BDP1: variants seen among roughly 807,000 people sequenced by gnomAD.
BDP1 encodes the protein transcription factor TFIIIB component B'' homolog.
A neutral mutation model predicts 266.6 loss-of-function variants in BDP1; 169 were observed. That is an observed-to-expected ratio of 0.63 (90% CI 0.56 to 0.72). BDP1 has a LOEUF of 0.72. BDP1 is among the 30% of genes least tolerant of loss of function. The probability of loss-of-function intolerance (pLI) is 0.00; values close to 1 mark genes in which losing one functional copy is unlikely to be tolerated. For synonymous variants in BDP1, 1,090 were observed against 1,022.4 expected, an observed-to-expected ratio of 1.07 and a Z score of -1.26; for missense variants, 3,015 against 3,053.8, an observed-to-expected ratio of 0.99 and a Z score of 0.30.
chr5:71,536,668 T>C (rs1766617646), intron 26 of BDP1, among the ~76,000 whole-genome samples: 3 of 151,904 alleles, frequency 2.0e-5, no homozygotes, highest in East Asian at 1.9e-4. Flanking sequence ...TCTACAAATA[T>C]GTTTTTTAAA....
In BDP1 at chr5:71,467,398, A is replaced by G. The variant is rs1761968662; in HGVS notation, c.830A>G (p.Glu277Gly). The change falls in exon 6 of 39, where the codon GAA (glutamate) becomes GGA (glycine). Residue 277 changes from glutamate (E) to glycine (G), a missense_variant. This residue lies in a region of BDP1 where 2,383 missense variants were observed against 2,404.9 expected (regional missense o/e 0.99). Transcript: ENST00000358731. ...AGAACAAAAGGCCCTTGTGTTGTTG[A>G]AGAAAATGACCCCATATTTGAGCGC... is the stretch of plus-strand genomic sequence containing the variant. ...VLRTKGPCVVEENDPIFERGS... is the reference protein window; with the variant it reads ...VLRTKGPCVVGENDPIFERGS... 1 of 1,611,072 alleles carries G rather than the reference A, an allele frequency of 6.2e-7. No homozygotes were observed.
chr5:71,539,283 C>T (rs1766815283), intron 27 of BDP1, among the ~76,000 whole-genome samples: 1 of 152,132 alleles, frequency 6.6e-6, no homozygotes, highest in South Asian at 2.1e-4. Context: ...AGTATTTGAG[C>T]ATTTCCTCTG....
intron 18 of BDP1, among the ~76,000 whole-genome samples, 176 bp downstream of exon 18, chr5:71,512,604 A>G (rs73776551): frequency 4.1e-4 from 62 of 152,314 alleles, no homozygotes; most frequent in African/African-American, 1.4e-3. Context: ...AAAGTTACTG[A>G]CATACAAAAT....
At chr5:71,533,692 GTCC>G (rs926069887) in intron 26 of BDP1, among the ~76,000 whole-genome samples, 1 of 151,340 alleles carries the variant, frequency 6.6e-6, no homozygotes, top group African/African-American at 2.4e-5. Flanking sequence ...TCGTACTCCT[GTCC>G]TCAAGTGATA....
chr5:71,488,325 A>G (rs896935719), intron 9 of BDP1, among the ~76,000 whole-genome samples: 3 of 151,734 alleles, frequency 2.0e-5, no homozygotes, highest in African/African-American at 7.3e-5. Flanking sequence ...ATGGGATTTT[A>G]TCATATTGGC....
At position 71,475,034 on chromosome 5, in the gene BDP1, C is replaced by T. The variant is rs59539450; in HGVS notation, c.1014+4545C>T. Among the ~76,000 whole-genome samples, 6 of 152,236 alleles carry T rather than the reference C, an allele frequency of 3.9e-5. No homozygotes were observed. The East Asian group carries it at 1.2e-3, about 29-fold the overall frequency. ...GTAGTCTTTTTCTTCTCTAGTTCAT[C>T]CAGGGAACTCTTAAATTACATCTTC... On this transcript the variant is annotated intron_variant, in intron 7 of 38. Transcript: ENST00000358731.
chr5:71,519,598 A>T (rs1174102858), intron 22 of BDP1, among the ~76,000 whole-genome samples: 1 of 152,212 alleles, frequency 6.6e-6, no homozygotes, highest in East Asian at 1.9e-4. Flanking sequence ...ACCTAACATA[A>T]TGACCTCTAG....
intron 23 of BDP1, 71 bp from the exon 24 acceptor site, chr5:71,522,685 A>G: frequency 1.4e-6 from 2 of 1,453,910 alleles, no homozygotes; most frequent in Non-Finnish European, 1.9e-6. Context: ...GGTTTAGGCC[A>G]AACTACCAAA....
Position 71,489,599 on chromosome 5 carries a change from A to G in BDP1, c.1409A>G (p.Asp470Gly), listed in dbSNP as rs1167351859. The G allele has an allele frequency of 6.2e-7, 1 of 1,614,158 alleles. No individual in the cohort carries two copies. The highest frequency in any genetic ancestry group is 1.1e-5 in the South Asian group (1 of 91,080). Reference protein sequence around the residue: ...NQKKRRRKKQDGANELGVNNL... With the variant: ...NQKKRRRKKQGGANELGVNNL... ...AAGAAAAGAAGGAGGAAGAAGCAAG[A>G]TGGAGCTAATGAACTGGGAGTAAAC... is the stretch of plus-strand genomic sequence containing the variant. The change falls in exon 10 of 39, where the codon GAT becomes GGT. Residue 470 changes from aspartate (D) to glycine (G), a missense_variant. Transcript: ENST00000358731.
intron 36 of BDP1, among the ~76,000 whole-genome samples, chr5:71,557,545 C>G (rs535465356): frequency 6.6e-6 from 1 of 151,938 alleles, no homozygotes; most frequent in Admixed American, 6.6e-5. Flanking sequence ...CCACCACGCC[C>G]AGCTAATTTT....
the BDP1 span, among the ~76,000 whole-genome samples, chr5:71,575,559 C>A: frequency 9.9e-3 from 1,502 of 152,312 alleles, 26 homozygotes; most frequent in African/African-American, 0.034. Context: ...AAAAATTCAA[C>A]TGATGGGCAC....
intron 7 of BDP1, 130 bp downstream of exon 7, chr5:71,470,619 C>G (rs1762181766): frequency 1.6e-6 from 1 of 641,924 alleles, no homozygotes; most frequent in East Asian, 3.0e-5. Context: ...GACAGAGTTT[C>G]ACTTTGTTGC....
At chr5:71,468,021 A>C (rs934623467) in intron 6 of BDP1, among the ~76,000 whole-genome samples, 1 of 151,798 alleles carries the variant, frequency 6.6e-6, no homozygotes, top group Admixed American at 6.6e-5. Flanking sequence ...TTTGAAAAAA[A>C]TTTTTTTATT....
chr5:71,564,793 A>G lies in BDP1; in HGVS notation c.7783A>G (p.Ser2595Gly), dbSNP rs1411684644. The G allele has an allele frequency of 6.2e-7, 1 of 1,611,232 alleles. No homozygotes were observed. Among genetic ancestry groups the G allele is most frequent in the Non-Finnish European group, 8.5e-7 (1 of 1,179,564 alleles). Residue 2595 changes from serine to glycine, a missense_variant, in exon 39 of 39, where the codon AGT becomes GGT. Transcript: ENST00000358731. ...DQPLLKEGYK[S>G]AQKRAPQGEA... is the part of the protein sequence containing the mutation. ...GCCCTTACTGAAAGAAGGATATAAA[A>G]GTGCCCAAAAGCGGGCCCCTCAAGG...
chr5:71,523,800 G>A, intron 24 of BDP1, 139 bp from the exon 25 acceptor site: 2 of 827,288 alleles, frequency 2.4e-6, no homozygotes, highest in Non-Finnish European at 3.7e-6. Flanking sequence ...TATTTTCACA[G>A]CATAAGATTT....
chr5:71,468,023 T>C (rs13160627), intron 6 of BDP1, among the ~76,000 whole-genome samples: 1 of 152,096 alleles, frequency 6.6e-6, no homozygotes, highest in Non-Finnish European at 1.5e-5. Flanking sequence ...TGAAAAAAAT[T>C]TTTTTATTTT....
At chr5:71,577,900 A>G in the BDP1 span, among the ~76,000 whole-genome samples, 1 of 152,212 alleles carries the variant, frequency 6.6e-6, no homozygotes, top group African/African-American at 2.4e-5. Flanking sequence ...TTCACTTAAT[A>G]CATAAACAAG....
the BDP1 span, among the ~76,000 whole-genome samples, chr5:71,574,785 C>T: frequency 5.5e-4 from 83 of 152,230 alleles, no homozygotes; most frequent in Admixed American, 2.2e-3. Flanking sequence ...CCCTTCTCCA[C>T]GAAAGGAGAA....
chr5:71,489,791 T>A, intron 10 of BDP1, 109 bp downstream of exon 10: 1 of 914,496 alleles, frequency 1.1e-6, no homozygotes, highest in Non-Finnish European at 1.6e-6. Flanking sequence ...TGATGCTTAT[T>A]AATTGGTTCT....
Sources: allele counts gnomAD v4.1 joint callset (sites outside exome capture counted in the v4.1 genomes callset), GRCh38; gene constraint gnomAD v4.1.1; regional missense constraint gnomAD v4.1.1; transcripts MANE v1.5; gene names NCBI Gene and HGNC (gene_info 2026-07-23, HGNC 2026-07-21).